The following HELZ variants were observed in gnomAD, a reference collection of about 807,000 sequenced individuals.
HELZ encodes helicase with zinc finger.
In HELZ, 23 loss-of-function variants were observed where a neutral mutation model predicts 218.2. The observed-to-expected ratio is 0.11, with a 90% CI of 0.08 to 0.15. The LOEUF (loss-of-function observed/expected upper bound fraction) is 0.15. Ranked by LOEUF, HELZ falls within the 10% of genes least tolerant of loss-of-function variation. The pLI is 1.00. For missense variants in HELZ, 1,813 were observed against 2,353.7 expected, an observed-to-expected ratio of 0.77 and a Z score of 4.75; for synonymous variants, 814 against 829.4, an observed-to-expected ratio of 0.98 and a Z score of 0.32.
intron 20 of HELZ, among the ~76,000 whole-genome samples, chr17:67,146,624 C>T (rs1567840123): frequency 6.6e-6 from 1 of 152,106 alleles, no homozygotes; most frequent in East Asian, 1.9e-4. Flanking sequence ...ACAGTCAAGC[C>T]GTCAACTGTA....
intron 5 of HELZ, among the ~76,000 whole-genome samples, chr17:67,209,274 T>C (rs1198040513): frequency 5.3e-5 from 8 of 152,124 alleles, no homozygotes; most frequent in Non-Finnish European, 8.8e-5. Context: ...TCCAAGTTTG[T>C]TAGGCTAAAG....
At chr17:67,207,306 G>A (rs962031071) in intron 5 of HELZ, among the ~76,000 whole-genome samples, 2 of 129,074 alleles carry the variant, frequency 1.5e-5, no homozygotes, top group Middle Eastern at 5.7e-3. Flanking sequence ...TGCAACCACC[G>A]CCTCCTCAGT....
chr17:67,180,128 A>G (rs979635807), intron 12 of HELZ, among the ~76,000 whole-genome samples: 3 of 152,116 alleles, frequency 2.0e-5, no homozygotes, highest in African/African-American at 4.8e-5. Flanking sequence ...GGCAACACAA[A>G]TACCATTATA....
intron 4 of HELZ, among the ~76,000 whole-genome samples, chr17:67,217,647 A>G (rs552683234): frequency 2.0e-5 from 3 of 152,186 alleles, no homozygotes; most frequent in East Asian, 3.9e-4. Context: ...CTCTGGCCAC[A>G]CTAACTCCTA....
chr17:67,160,297 T>A lies in HELZ; in HGVS notation c.2141A>T (p.Tyr714Phe). 6.2e-7 allele frequency: 1 copy of A among 1,612,468 alleles called. No individual in the cohort carries two copies. Among genetic ancestry groups the A allele is most frequent in the Non-Finnish European group, 8.5e-7 (1 of 1,178,752 alleles). ...DLYIKDYLHP[Y>F]VEAGNPQARP... ...TGCCTGGGGATTGCCTGCTTCTACA[T>A]ATGGATGTAAATAATCCTTTATGTA... Residue 714 changes from tyrosine to phenylalanine, a missense_variant, in exon 17 of 33, where the codon TAT becomes TTT. Tyr to Phe is a conservative substitution (Grantham distance 22). Coordinates refer to ENST00000358691, the MANE Select transcript of HELZ (RefSeq NM_014877.4).
chr17:67,204,863 G>A (rs2143141201), intron 5 of HELZ, among the ~76,000 whole-genome samples: 1 of 152,096 alleles, frequency 6.6e-6, no homozygotes, highest in African/African-American at 2.4e-5. Flanking sequence ...TGTCTTGAGT[G>A]TCTTATAAAG....
intron 32 of HELZ, among the ~76,000 whole-genome samples, chr17:67,085,107 A>G (rs2036327489): frequency 6.6e-6 from 1 of 152,054 alleles, no homozygotes; most frequent in Admixed American, 6.5e-5. Flanking sequence ...ACTCTGTCTC[A>G]AAAACAAACA....
rs1290563840 is a variant in HELZ, at chr17:67,116,774, C to T, written c.3839-2371G>A. 2.0e-5 allele frequency among the ~76,000 whole-genome samples: 3 copies of T among 152,170 alleles called. No individual in the cohort carries two copies. The East Asian group carries it at 5.8e-4, about 29-fold the overall frequency. ...ATATTGGGAGATTTCAATACCCCTC[C>T]TCAGTAATTGATAGAAAGAGTAGAA... On this transcript the variant is annotated intron_variant, in intron 27 of 32. Transcript: ENST00000358691.
intron 9 of HELZ, among the ~76,000 whole-genome samples, chr17:67,192,827 GTAACTT>G (rs143450707): frequency 0.011 from 1,605 of 152,292 alleles, 27 homozygotes; most frequent in African/African-American, 0.035. Flanking sequence ...CATTTTAACT[GTAACTT>G]TAATCATTCC....
intron 32 of HELZ, among the ~76,000 whole-genome samples, chr17:67,079,731 T>C (rs1321873055): frequency 6.6e-6 from 1 of 152,236 alleles, no homozygotes; most frequent in Non-Finnish European, 1.5e-5. Flanking sequence ...TTTAAAAGCT[T>C]AGCCTATTTT....
Position 67,160,947 on chromosome 17 carries a change from C to A in HELZ, c.2025G>T (p.Thr675=). ...LIIGPYGTGK[T]FTLAQAVKHI... ...GTTTGACAGCCTGAGCTAGAGTGAA[C>A]GTTTTGCCTGTCCCATAGGGTCCGA... The change falls in exon 16 of 33, where the codon ACG becomes ACT. Residue 675 remains threonine, a synonymous_variant. Coordinates refer to ENST00000358691, the MANE Select transcript of HELZ (RefSeq NM_014877.4). The A allele has an allele frequency of 6.2e-7, 1 of 1,613,374 alleles. No homozygotes were observed. The highest frequency in any genetic ancestry group is 2.2e-5 in the East Asian group (1 of 44,840).
Position 67,091,120 on chromosome 17 carries a change from C to G in HELZ, c.5242-4039G>C, listed in dbSNP as rs138781791. On this transcript the variant is annotated intron_variant, in intron 31 of 32. Transcript: ENST00000358691. ...TTAGGACAGGCTATATTTCCATTTT[C>G]ACTCAATGTAAAACATTTCTAATAT... Among the ~76,000 whole-genome samples the G allele has an allele frequency of 4.3e-4, 66 of 152,168 alleles. 1 individual carries two copies. The East Asian group carries it at 0.012, about 28-fold the overall frequency.
At chr17:67,084,066 T>C (rs2036279108) in intron 32 of HELZ, among the ~76,000 whole-genome samples, 1 of 152,230 alleles carries the variant, frequency 6.6e-6, no homozygotes, top group African/African-American at 2.4e-5. Flanking sequence ...AAGAAGTCTC[T>C]CATGTGATTA....
chr17:67,216,562 T>C (rs955365970), intron 4 of HELZ, among the ~76,000 whole-genome samples: 7 of 152,184 alleles, frequency 4.6e-5, no homozygotes, highest in African/African-American at 1.7e-4. Flanking sequence ...CTCTTTTTTT[T>C]CTTTAGTGTC....
At chr17:67,099,101 C>T (rs2036841667) in intron 31 of HELZ, among the ~76,000 whole-genome samples, 1 of 151,934 alleles carries the variant, frequency 6.6e-6, no homozygotes, top group Admixed American at 6.6e-5. Flanking sequence ...TTTAAACATA[C>T]TTTCCTTCCT....
At chr17:67,137,338 G>A (rs531871763) in intron 22 of HELZ, among the ~76,000 whole-genome samples, 165 of 152,220 alleles carry the variant, frequency 1.1e-3, no homozygotes, top group African/African-American at 3.7e-3. Context: ...TTTCTAAAAT[G>A]CTCACCTAAA....
chr17:67,164,476 G>A (rs1413794761), intron 15 of HELZ, among the ~76,000 whole-genome samples: 1 of 152,130 alleles, frequency 6.6e-6, no homozygotes. Context: ...TGAGTTGTCC[G>A]ATGGGTGTAT....
intron 32 of HELZ, among the ~76,000 whole-genome samples, chr17:67,085,929 T>C (rs1377414337): frequency 3.3e-5 from 5 of 152,244 alleles, no homozygotes; most frequent in Admixed American, 2.0e-4. Flanking sequence ...TTCCGATCCC[T>C]TTCTATGCCT....
chr17:67,239,014 T>C (rs1249395287), intron 3 of HELZ, among the ~76,000 whole-genome samples: 1 of 152,200 alleles, frequency 6.6e-6, no homozygotes, highest in East Asian at 1.9e-4. Flanking sequence ...ATATATACAG[T>C]CATTCATGAC....
Sources: gnomAD v4.1 joint callset for allele counts (sites outside exome capture counted in the v4.1 genomes callset) on GRCh38, gnomAD v4.1.1 for gene constraint, MANE v1.5 for transcripts, NCBI Gene and HGNC (gene_info 2026-07-23, HGNC 2026-07-21) for gene names.